The following CHRNA2 variants were observed in gnomAD, a reference collection of about 807,000 sequenced individuals.
CHRNA2 encodes neuronal acetylcholine receptor subunit alpha-2.
In CHRNA2, 40 loss-of-function variants were observed where a neutral mutation model predicts 45.5. The ratio of observed to expected loss-of-function variants is 0.88; its 90% CI spans 0.68 to 1.15. The LOEUF (loss-of-function observed/expected upper bound fraction) is 1.15, where lower values mean the gene tolerates loss of function less well. Ranked by LOEUF, CHRNA2 falls within the 50% of genes most tolerant of loss-of-function variation. The probability of loss-of-function intolerance (pLI) is 0.00; values close to 1 mark genes in which losing one functional copy is unlikely to be tolerated. For synonymous variants in CHRNA2, 301 were observed against 296.7 expected, an observed-to-expected ratio of 1.01 and a Z score of -0.15; for missense variants, 655 against 701.7, an observed-to-expected ratio of 0.93 and a Z score of 0.75.
At chr8:27,470,857 G>T in intron 2 of CHRNA2, 129 bp downstream of exon 2, 1 of 910,248 alleles carries the variant, frequency 1.1e-6, no homozygotes, top group Non-Finnish European at 1.8e-6. Flanking sequence ...ACAGCCACCT[G>T]GCTGATGGCC....
chr8:27,471,633 C>G (rs1200788482), intron 1 of CHRNA2, among the ~76,000 whole-genome samples: 1 of 152,248 alleles, frequency 6.6e-6, no homozygotes, highest in Non-Finnish European at 1.5e-5. Context: ...TACAACGGAA[C>G]ATGATGCCAC....
chr8:27,467,354 G>A lies in CHRNA2; in HGVS notation c.340-16C>T, dbSNP rs368477570. The A allele has an allele frequency of 4.4e-6, 7 of 1,590,398 alleles. No individual in the cohort carries two copies. Among genetic ancestry groups the A allele is most frequent in the Non-Finnish European group, 6.0e-6 (7 of 1,159,060 alleles). ...CGCTCCACTCCTGTGTGTGGGGAAGGAGTTGTGTCAACCTCGCTTCCAGGG... is the reference window on the plus strand; with the variant it reads ...CGCTCCACTCCTGTGTGTGGGGAAGAAGTTGTGTCAACCTCGCTTCCAGGG... On this transcript the variant is annotated splice_polypyrimidine_tract_variant and intron_variant, in intron 4 of 6. Coordinates refer to ENST00000407991, the MANE Select transcript of CHRNA2 (RefSeq NM_000742.4).
intron 1 of CHRNA2, among the ~76,000 whole-genome samples, chr8:27,474,034 C>T (rs1812985208): frequency 6.6e-6 from 1 of 152,192 alleles, no homozygotes; most frequent in Non-Finnish European, 1.5e-5. Context: ...AGATTGGACA[C>T]TTTCTGCCCT....
chr8:27,461,641 A>C lies in CHRNA2; in HGVS notation c.1578T>G (p.Ala526=). ...GAGGGAGGTGCAGTCAGATCATTCC[A>C]GCTAGGAACGGAGGCAGAAAGAGGC... is the stretch of plus-strand genomic sequence containing the variant. The part of the protein sequence containing the change: ...TIGLFLPPFL[A]GMI The change falls in exon 7 of 7, where the codon GCT becomes GCG. Residue 526 remains alanine (A), a synonymous_variant. Transcript: ENST00000407991. 6.2e-7 allele frequency: 1 copy of C among 1,614,266 alleles called. No homozygotes were observed. The highest frequency in any genetic ancestry group is 8.5e-7 in the Non-Finnish European group (1 of 1,180,048).
At chr8:27,475,473 T>C (rs1474337711) in intron 1 of CHRNA2, 1 of 152,438 alleles carries the variant, frequency 6.6e-6, no homozygotes, top group African/African-American at 2.4e-5. Flanking sequence ...TATGATTCCT[T>C]TTATAGGATG....
rs759930402 is a variant in CHRNA2, at chr8:27,461,718, C to T, written c.1501G>A (p.Asp501Asn). 1.2e-6 allele frequency: 2 copies of T among 1,614,194 alleles called. No homozygotes were observed. The highest frequency in any genetic ancestry group is 1.7e-6 in the Non-Finnish European group (2 of 1,180,024). Residue 501 changes from aspartate (D) to asparagine (N), a missense_variant, in exon 7 of 7, where the codon GAC becomes AAC. Physicochemically the swap from Asp to Asn is conservative, Grantham distance 23. Around this residue, in one of 3 missense-constraint regions of CHRNA2, gnomAD observed 295 missense variants for 280.4 expected, o/e 1.05. Transcript: ENST00000407991. Reference protein sequence around the residue: ...EDWKYVAMVIDRIFLWLFIIV... With the variant: ...EDWKYVAMVINRIFLWLFIIV... ...ATAAACAGCCAGAGGAAGATCCTGT[C>T]GATGACCATGGCAACATACTTCCAG...
intron 4 of CHRNA2, among the ~76,000 whole-genome samples, chr8:27,468,815 T>C (rs1442466459): frequency 2.0e-5 from 3 of 152,184 alleles, no homozygotes; most frequent in Non-Finnish European, 1.5e-5. Context: ...CCCAAACTCC[T>C]GGCCATAAAG....
Position 27,461,229 on chromosome 8 carries a change from C to A in CHRNA2, c.*400G>T. 4.3e-6 allele frequency: 1 copy of A among 233,710 alleles called. No individual in the cohort carries two copies. Among genetic ancestry groups the A allele is most frequent in the East Asian group, 9.6e-5 (1 of 10,458 alleles). 14.5% of individuals were successfully genotyped at this position (233,710 alleles called of 1,614,324 possible). A position where few individuals can be genotyped will look rare whatever the true frequency, so the allele number is the denominator to read the frequency against. ...TTCAAAGCCCTTCCACATCCAAGAA[C>A]CCTCCCCTTTGCCCCCACGGCCCCT... On this transcript the variant is annotated 3_prime_UTR_variant, in exon 7 of 7. Transcript: ENST00000407991.
At chr8:27,474,984 T>C (rs74973193) in intron 1 of CHRNA2, among the ~76,000 whole-genome samples, 2,454 of 152,340 alleles carry the variant, frequency 0.016, 69 homozygotes, top group African/African-American at 0.056. Flanking sequence ...ACCATCTTGC[T>C]CTTTTCTCTT....
In CHRNA2 at chr8:27,463,465, CG is replaced by C; in HGVS notation, c.977del (p.Pro326ArgfsTer11). 6.2e-7 allele frequency: 1 copy of C among 1,614,122 alleles called. No individual in the cohort carries two copies. Among genetic ancestry groups the C allele is most frequent in the Non-Finnish European group, 8.5e-7 (1 of 1,180,026 alleles). ...TGAACAGCAGGTACTCGCCGATGAG[CG>C]GGATGACCAGCGAGGTGGACGGGAT... is the stretch of plus-strand genomic sequence containing the variant. The part of the protein sequence containing the change: ...EIIPSTSLVI[P>X]LIGEYLLFTM... On this transcript the variant is annotated frameshift_variant, in exon 6 of 7. Transcript: ENST00000407991. LOFTEE classifies it high-confidence loss of function. This position sits in a 1 kb window ranked among gnomAD's most constrained non-coding sequence, Gnocchi z 6.1.
chr8:27,476,981 C>A (rs540446856), intron 1 of CHRNA2, among the ~76,000 whole-genome samples: 1 of 146,518 alleles, frequency 6.8e-6, no homozygotes, highest in African/African-American at 2.6e-5. Flanking sequence ...ATATAATTAT[C>A]CCTTTCATGT....
chr8:27,473,075 A>C (rs1812940446), intron 1 of CHRNA2, among the ~76,000 whole-genome samples: 4 of 151,614 alleles, frequency 2.6e-5, no homozygotes, highest in Admixed American at 1.3e-4. Context: ...TTTAAAAAAT[A>C]TATATATATA....
intron 1 of CHRNA2, among the ~76,000 whole-genome samples, chr8:27,475,703 ATTATG>A (rs1813040368): frequency 1.3e-5 from 2 of 152,190 alleles, no homozygotes; most frequent in Non-Finnish European, 2.9e-5. Context: ...ATTATGGTAA[ATTATG>A]TTATGTATAT....
At chr8:27,469,230 G>T (rs1009611030) in intron 4 of CHRNA2, 105 bp downstream of exon 4, 21 of 1,131,100 alleles carry the variant, frequency 1.9e-5, no homozygotes, top group South Asian at 1.7e-4. Context: ...TAAGTTCAGG[G>T]TCTTGCTGTT....
chr8:27,470,893 G>T, intron 2 of CHRNA2, 93 bp downstream of exon 2: 1 of 1,349,770 alleles, frequency 7.4e-7, no homozygotes, highest in Non-Finnish European at 1.1e-6. Context: ...AGCTTTGACG[G>T]TTGCAACACA....
intron 2 of CHRNA2, among the ~76,000 whole-genome samples, chr8:27,470,265 C>T (rs765867234): frequency 1.2e-4 from 18 of 152,054 alleles, no homozygotes; most frequent in Non-Finnish European, 2.2e-4. Context: ...CAAGATTCAG[C>T]CCCATATGGA....
At chr8:27,472,584 A>G (rs1390163697) in intron 1 of CHRNA2, among the ~76,000 whole-genome samples, 1 of 152,196 alleles carries the variant, frequency 6.6e-6, no homozygotes, top group South Asian at 2.1e-4. Context: ...TCCTACTGAT[A>G]TGGAATATGC....
intron 2 of CHRNA2, 85 bp from the exon 3 acceptor site, chr8:27,470,066 C>G: frequency 1.6e-6 from 2 of 1,255,790 alleles, no homozygotes; most frequent in Non-Finnish European, 2.3e-6. Context: ...GAACCTATCT[C>G]AAAACATTGT....
Position 27,479,149 on chromosome 8 carries a change from C to T in CHRNA2, c.-462G>A, listed in dbSNP as rs1015066762. 4 of 152,614 alleles carry T rather than the reference C, an allele frequency of 2.6e-5. No individual in the cohort carries two copies. Among genetic ancestry groups the T allele is most frequent in the African/African-American group, 9.7e-5 (4 of 41,434 alleles). The allele number at this position is 152,614 out of a possible 1,614,324, so 9.5% of individuals were successfully genotyped here. ...GCCACTGAGGACAGCCCAGGCAGCC[C>T]AGCACAAGCGATTCTGCAGGTGAAA... is the stretch of plus-strand genomic sequence containing the variant. On this transcript the variant is annotated 5_prime_UTR_variant, in exon 1 of 7. Transcript: ENST00000407991.
Sources: gnomAD v4.1 joint callset for allele counts (sites outside exome capture counted in the v4.1 genomes callset) on GRCh38, gnomAD v4.1.1 for gene constraint, gnomAD v4.1.1 regional missense constraint, Gnocchi (gnomAD v3.1) non-coding constraint, MANE v1.5 for transcripts, NCBI Gene and HGNC (gene_info 2026-07-23, HGNC 2026-07-21) for gene names.